ASTN2: variants seen among roughly 807,000 people sequenced by gnomAD.
ASTN2 encodes the protein astrotactin 2.
ASTN2 carries 54 observed loss-of-function variants against 139.8 expected under a neutral mutation model. The observed-to-expected ratio is 0.39, with a 90% CI of 0.31 to 0.48. The LOEUF (loss-of-function observed/expected upper bound fraction) is 0.48, where lower values mean the gene tolerates loss of function less well. Among genes scored for constraint, ASTN2 ranks in the 20% least tolerant of loss-of-function variants. ASTN2 has a pLI of 0.95. For missense variants in ASTN2, 1,565 were observed against 1,725.1 expected, an observed-to-expected ratio of 0.91 and a Z score of 1.64; for synonymous variants, 756 against 719.5, an observed-to-expected ratio of 1.05 and a Z score of -0.81.
At position 116,544,880 on chromosome 9, in the gene ASTN2, T is replaced by C. The variant is rs137958862; in HGVS notation, c.3356-57380A>G. 8.8e-4 allele frequency among the ~76,000 whole-genome samples: 134 copies of C among 152,310 alleles called. 1 individual carries two copies. The highest frequency in any genetic ancestry group is 6.2e-3 in the East Asian group (32 of 5,166). On this transcript the variant is annotated intron_variant, in intron 19 of 22. Transcript: ENST00000313400. ...GAAGCATAAAAAGGCCTCATAGGGA[T>C]TCCCCCTTATTCCCAGCTGCAGAAA...
At chr9:116,618,955 A>G (rs1855989439) in intron 18 of ASTN2, among the ~76,000 whole-genome samples, 1 of 152,150 alleles carries the variant, frequency 6.6e-6, no homozygotes, top group Non-Finnish European at 1.5e-5. Context: ...GCAAGAAAAA[A>G]AAATAGAATG....
chr9:116,725,116 C>T (rs1008696067), intron 16 of ASTN2, among the ~76,000 whole-genome samples: 12 of 152,236 alleles, frequency 7.9e-5, no homozygotes, highest in Admixed American at 2.6e-4. Flanking sequence ...TAGCTACTTA[C>T]GTACCCATTT....
chr9:117,285,975 A>T (rs1194685473), intron 2 of ASTN2, among the ~76,000 whole-genome samples: 1 of 152,256 alleles, frequency 6.6e-6, no homozygotes, highest in Non-Finnish European at 1.5e-5. Context: ...AAGGGAAAAA[A>T]CAAAAGCGCC....
At chr9:116,497,017 C>T (rs1849689863) in intron 19 of ASTN2, among the ~76,000 whole-genome samples, 1 of 152,186 alleles carries the variant, frequency 6.6e-6, no homozygotes, top group African/African-American at 2.4e-5. Context: ...TCAAGTCCTT[C>T]ACCCAGGAGT....
At chr9:116,530,131 A>ATATG (rs1564345771) in intron 19 of ASTN2, among the ~76,000 whole-genome samples, 4 of 29,362 alleles carry the variant, frequency 1.4e-4, no homozygotes, top group African/African-American at 5.0e-4. Flanking sequence ...ATATATATAT[A>ATATG]TATATATATA....
chr9:117,039,485 G>C (rs1247531835), intron 6 of ASTN2, among the ~76,000 whole-genome samples: 4 of 151,956 alleles, frequency 2.6e-5, no homozygotes, highest in African/African-American at 9.7e-5. Context: ...AGCATGCGGG[G>C]CTTAAAAGCT....
chr9:117,047,452 C>T (rs1167885837), intron 5 of ASTN2, among the ~76,000 whole-genome samples: 1 of 152,106 alleles, frequency 6.6e-6, no homozygotes, highest in Non-Finnish European at 1.5e-5. Context: ...TGTTATTTCC[C>T]CAATATCTTA....
rs149961241 is a variant in ASTN2, at chr9:117,149,598, C to T, written c.1016-8120G>A. Reference sequence around the variant, plus strand: ...AAGACATCTTAGTCCTAAGGTACACCTAAGCTGGGAAGACCCAACATAAAT... The same window carrying T: ...AAGACATCTTAGTCCTAAGGTACACTTAAGCTGGGAAGACCCAACATAAAT... On this transcript the variant is annotated intron_variant, in intron 3 of 22. Coordinates refer to ENST00000313400, the MANE Select transcript of ASTN2 (RefSeq NM_001365068.1). Among the ~76,000 whole-genome samples, 309 of 152,078 alleles carry T rather than the reference C, an allele frequency of 2.0e-3. 4 individuals are homozygous for T. Among genetic ancestry groups the T allele is most frequent in the African/African-American group, 7.2e-3 (298 of 41,470 alleles).
rs567977530 is a variant in ASTN2 at position 116,955,703 on chromosome 9, G to A, written c.1889+19505C>T. 5.3e-5 allele frequency among the ~76,000 whole-genome samples: 8 copies of A among 152,330 alleles called. No individual in the cohort carries two copies. The East Asian group carries it at 5.8e-4, about 11-fold the overall frequency. On this transcript the variant is annotated intron_variant, in intron 10 of 22. Coordinates refer to ENST00000313400, the MANE Select transcript of ASTN2 (RefSeq NM_001365068.1). ...TGCTCTAGCATCTGACTGTGTGGTC[G>A]TAGCAAGTTGTTTCACCTTTCTGGG...
At position 116,645,522 on chromosome 9, in the gene ASTN2, G is replaced by A. The variant is rs188948957; in HGVS notation, c.3072+6006C>T. Among the ~76,000 whole-genome samples the A allele has an allele frequency of 5.9e-5, 9 of 152,184 alleles. No individual in the cohort carries two copies. In the East Asian group the frequency reaches 1.5e-3, roughly 26 times the overall value. The stretch of plus-strand genomic sequence containing the variant: ...GGGTCCAATGGTCCCCAAGGCCATC[G>A]AGAATACCTTGGTCCAGAATCAGAG... On this transcript the variant is annotated intron_variant, in intron 17 of 22. Coordinates refer to ENST00000313400, the MANE Select transcript of ASTN2 (RefSeq NM_001365068.1).
At chr9:116,918,121 C>T (rs569264879) in intron 10 of ASTN2, among the ~76,000 whole-genome samples, 2 of 152,292 alleles carry the variant, frequency 1.3e-5, no homozygotes, top group South Asian at 4.1e-4. Flanking sequence ...GATTCTGATG[C>T]CTCCCCAGCC....
intron 7 of ASTN2, among the ~76,000 whole-genome samples, chr9:116,986,297 A>G (rs1254806388): frequency 6.6e-6 from 1 of 152,066 alleles, no homozygotes; most frequent in East Asian, 1.9e-4. Context: ...TCTCTGGTCC[A>G]GATCTTACTG....
intron 4 of ASTN2, among the ~76,000 whole-genome samples, chr9:117,132,922 C>T (rs28407263): frequency 0.025 from 3,791 of 152,250 alleles, 151 homozygotes; most frequent in African/African-American, 0.086. Flanking sequence ...CATATTCTCA[C>T]GACAGTCCTG....
chr9:116,541,984 G>A (rs1851895069), intron 19 of ASTN2, among the ~76,000 whole-genome samples: 1 of 152,122 alleles, frequency 6.6e-6, no homozygotes, highest in Non-Finnish European at 1.5e-5. Flanking sequence ...CAGGATACTG[G>A]TATCGACACA....
At chr9:116,477,309 A>G (rs1302002644) in intron 20 of ASTN2, among the ~76,000 whole-genome samples, 1 of 152,008 alleles carries the variant, frequency 6.6e-6, no homozygotes, top group Non-Finnish European at 1.5e-5. Flanking sequence ...CCAACTGTGC[A>G]CTTTGGAGAG....
chr9:117,276,595 G>A (rs1004880606), intron 2 of ASTN2, among the ~76,000 whole-genome samples: 3 of 152,184 alleles, frequency 2.0e-5, no homozygotes, highest in Non-Finnish European at 2.9e-5. Context: ...CATAAGGACT[G>A]TAATAAAACA....
chr9:116,713,057 T>C (rs1828213487), intron 16 of ASTN2, among the ~76,000 whole-genome samples: 1 of 152,120 alleles, frequency 6.6e-6, no homozygotes, highest in African/African-American at 2.4e-5. Flanking sequence ...ACACACTTCC[T>C]TGGATGGGGG....
intron 12 of ASTN2, among the ~76,000 whole-genome samples, chr9:116,806,651 C>A (rs1337076130): frequency 6.6e-6 from 1 of 152,092 alleles, no homozygotes; most frequent in East Asian, 1.9e-4. Context: ...GTACAAATGC[C>A]ATTTTTCTCC....
At chr9:116,451,652 T>C (rs2118922759) in intron 20 of ASTN2, among the ~76,000 whole-genome samples, 1 of 152,312 alleles carries the variant, frequency 6.6e-6, no homozygotes, top group Middle Eastern at 3.4e-3. Flanking sequence ...TAAAAGCTAC[T>C]GTGAACTAGA....
Sources: gnomAD v4.1 joint callset for allele counts (sites outside exome capture counted in the v4.1 genomes callset) on GRCh38, gnomAD v4.1.1 for gene constraint, MANE v1.5 for transcripts, NCBI Gene and HGNC (gene_info 2026-07-23, HGNC 2026-07-21) for gene names.